ATXN1: variants seen among roughly 807,000 people sequenced by gnomAD.
The protein encoded by ATXN1 is ataxin-1.
A neutral mutation model predicts 56.4 loss-of-function variants in ATXN1; 8 were observed. That is an observed-to-expected ratio of 0.14 (90% confidence interval 0.08 to 0.26). ATXN1 has a LOEUF of 0.26. ATXN1 is among the 10% of genes least tolerant of loss of function. The pLI is 1.00. For synonymous variants in ATXN1, 514 were observed against 494.6 expected, an observed-to-expected ratio of 1.04 and a Z score of -0.52; for missense variants, 987 against 1,106.5, an observed-to-expected ratio of 0.89 and a Z score of 1.53.
chr6:16,613,182 G>A (rs1201694923), intron 3 of ATXN1, among the ~76,000 whole-genome samples: 3 of 147,008 alleles, frequency 2.0e-5, no homozygotes, highest in Non-Finnish European at 4.5e-5. Context: ...GGAGAATGGC[G>A]TGAACCCGGG....
intron 4 of ATXN1, among the ~76,000 whole-genome samples, chr6:16,538,467 A>G (rs1032270720): frequency 6.6e-6 from 1 of 151,982 alleles, no homozygotes. Flanking sequence ...GTTTTAGGGT[A>G]CATGTGCACA....
At chr6:16,586,499 T>C (rs970625833) in intron 3 of ATXN1, among the ~76,000 whole-genome samples, 2 of 152,252 alleles carry the variant, frequency 1.3e-5, no homozygotes, top group African/African-American at 4.8e-5. Context: ...TTCTGGGCCA[T>C]GTGCTAAGGG....
intron 6 of ATXN1, among the ~76,000 whole-genome samples, chr6:16,412,795 G>A (rs1758826054): frequency 6.6e-6 from 1 of 152,218 alleles, no homozygotes; most frequent in Admixed American, 6.5e-5. Context: ...CCACAAAGTA[G>A]TAGATTTCCA....
chr6:16,405,392 C>G (rs973684968), intron 6 of ATXN1, among the ~76,000 whole-genome samples: 1 of 152,198 alleles, frequency 6.6e-6, no homozygotes, highest in South Asian at 2.1e-4. Context: ...AATTTTCCAG[C>G]CTATCTCCTT....
chr6:16,738,381 T>A (rs991647817), intron 2 of ATXN1: 6 of 152,220 alleles, frequency 3.9e-5, no homozygotes, highest in African/African-American at 1.4e-4. Flanking sequence ...GAAGGGCACA[T>A]CCATATTTGT....
chr6:16,606,597 C>T (rs1004224838), intron 3 of ATXN1, among the ~76,000 whole-genome samples: 3 of 151,022 alleles, frequency 2.0e-5, no homozygotes, highest in Non-Finnish European at 4.4e-5. Flanking sequence ...GGTGCGATCT[C>T]GGCTCACTGT....
intron 3 of ATXN1, among the ~76,000 whole-genome samples, chr6:16,647,807 G>A (rs890058272): frequency 6.6e-6 from 1 of 152,254 alleles, no homozygotes; most frequent in Non-Finnish European, 1.5e-5. Context: ...CGGGCGCAGT[G>A]GCTCACGCCT....
chr6:16,372,223 G>C (rs1390292412), intron 6 of ATXN1, among the ~76,000 whole-genome samples: 1 of 152,178 alleles, frequency 6.6e-6, no homozygotes, highest in Non-Finnish European at 1.5e-5. Flanking sequence ...GGTTGGCATG[G>C]AGCCAGTATC....
At chr6:16,740,778 C>A (rs550649483) in intron 2 of ATXN1, among the ~76,000 whole-genome samples, 56 of 152,286 alleles carry the variant, frequency 3.7e-4, no homozygotes, top group African/African-American at 1.3e-3. Flanking sequence ...GGCGATCCCA[C>A]CGCCTTGGCC....
At chr6:16,469,013 T>C (rs1760164411) in intron 6 of ATXN1, among the ~76,000 whole-genome samples, 1 of 152,194 alleles carries the variant, frequency 6.6e-6, no homozygotes, top group African/African-American at 2.4e-5. Flanking sequence ...GTTTCTAAAA[T>C]CTGCCAAAAC....
chr6:16,439,870 T>C (rs2113595697), intron 6 of ATXN1, among the ~76,000 whole-genome samples: 1 of 150,806 alleles, frequency 6.6e-6, no homozygotes, highest in Middle Eastern at 3.5e-3. Flanking sequence ...AGGTCGGAAG[T>C]TCGAGACCAG....
rs192891943 is a variant in ATXN1 at position 16,660,941 on chromosome 6, C to T, written c.-614-3040G>A. The stretch of plus-strand genomic sequence containing the variant: ...GCAACCTCTGCCTTCTGGTTTCAAG[C>T]AATTCTCCTGCCTCAGGCTCCCAAG... On this transcript the variant is annotated intron_variant, in intron 2 of 7. Transcript: ENST00000436367. 5.5e-5 allele frequency among the ~76,000 whole-genome samples: 8 copies of T among 145,822 alleles called. No individual in the cohort carries two copies. In the East Asian group the frequency reaches 1.7e-3, roughly 31 times the overall value.
intron 2 of ATXN1, among the ~76,000 whole-genome samples, chr6:16,683,851 G>A (rs1561807122): frequency 6.6e-6 from 1 of 152,248 alleles, no homozygotes; most frequent in Non-Finnish European, 1.5e-5. Flanking sequence ...CCCCTGCCCT[G>A]AGATATTATC....
intron 7 of ATXN1, among the ~76,000 whole-genome samples, chr6:16,325,603 C>G (rs767907961): frequency 1.3e-5 from 2 of 152,130 alleles, no homozygotes; most frequent in Non-Finnish European, 2.9e-5. Context: ...TCCTGACCCA[C>G]CTGGGGCTTC....
intron 3 of ATXN1, among the ~76,000 whole-genome samples, chr6:16,603,452 A>G (rs1477403973): frequency 1.3e-5 from 2 of 152,136 alleles, no homozygotes; most frequent in Non-Finnish European, 2.9e-5. Flanking sequence ...ACAGCCCAAC[A>G]GTTGAGTGTA....
At chr6:16,346,958 G>C (rs560442647) in intron 6 of ATXN1, among the ~76,000 whole-genome samples, 5 of 152,230 alleles carry the variant, frequency 3.3e-5, no homozygotes, top group Non-Finnish European at 5.9e-5. Context: ...TGTGGGCTCC[G>C]TGGGCCCCGC....
chr6:16,615,856 A>C lies in ATXN1; in HGVS notation c.-488-29949T>G, dbSNP rs1158910205. On this transcript the variant is annotated intron_variant, in intron 3 of 7. Coordinates refer to ENST00000436367, the MANE Select transcript of ATXN1 (RefSeq NM_001128164.2). ...GAGACCAGCCTGGTGAACATGGTGA[A>C]ACTCCGTCTCTACTAAAAATACAAA... 5 of 151,688 alleles carry C rather than the reference A, an allele frequency of 3.3e-5. 1 individual carries two copies. Among genetic ancestry groups the C allele is most frequent in the Non-Finnish European group, 7.4e-5 (5 of 67,810 alleles). The allele number at this position is 151,688 out of a possible 1,614,324, so 9.4% of individuals were successfully genotyped here.
At chr6:16,643,819 A>G (rs1763753208) in intron 3 of ATXN1, among the ~76,000 whole-genome samples, 1 of 152,130 alleles carries the variant, frequency 6.6e-6, no homozygotes, top group Non-Finnish European at 1.5e-5. Flanking sequence ...CTCTTCAGTT[A>G]TTAAGAAGAA....
chr6:16,334,852 A>T (rs1290502974), intron 6 of ATXN1, among the ~76,000 whole-genome samples: 2 of 152,210 alleles, frequency 1.3e-5, no homozygotes, highest in Admixed American at 1.3e-4. Context: ...GGGAGTGATC[A>T]GTTGCGCAAG....
Sources: allele counts gnomAD v4.1 joint callset (sites outside exome capture counted in the v4.1 genomes callset), GRCh38; gene constraint gnomAD v4.1.1; transcripts MANE v1.5; gene names NCBI Gene and HGNC (gene_info 2026-07-23, HGNC 2026-07-21).